TENM1: variants seen among roughly 807,000 people sequenced by gnomAD.
The protein encoded by TENM1 is teneurin-1.
TENM1 carries 35 observed loss-of-function variants against 174.8 expected under a neutral mutation model. The observed-to-expected ratio is 0.20, with a 90% CI of 0.15 to 0.27. The LOEUF (loss-of-function observed/expected upper bound fraction) is 0.27, where lower values mean the gene tolerates loss of function less well. TENM1 is among the 10% of genes least tolerant of loss of function. The pLI is 1.00. For missense variants in TENM1, 1,633 were observed against 2,130.1 expected, an observed-to-expected ratio of 0.77 and a Z score of 4.59; for synonymous variants, 781 against 798.7, an observed-to-expected ratio of 0.98 and a Z score of 0.37.
chrX:124,740,577 A>T (rs1241624369), intron 3 of TENM1, among the ~76,000 whole-genome samples: 1 of 111,625 alleles, frequency 9.0e-6, no homozygotes, highest in African/African-American at 3.3e-5. Flanking sequence ...AATATGTGGA[A>T]GTTTCCCTGC....
chrX:124,644,721 A>T (rs1212862470), intron 10 of TENM1, among the ~76,000 whole-genome samples: 2 of 110,641 alleles, frequency 1.8e-5, no homozygotes, highest in Non-Finnish European at 3.8e-5. Context: ...ATTACAAAAC[A>T]CTCCCAAAGA....
chrX:124,710,190 C>T (rs776406497), intron 4 of TENM1, among the ~76,000 whole-genome samples: 9 of 110,725 alleles, frequency 8.1e-5, no homozygotes, highest in Non-Finnish European at 1.3e-4. Flanking sequence ...AAGTGTAGCA[C>T]TATACAGGCA....
At chrX:125,091,985 CAAAAAAAAAAAA>C in the TENM1 span, among the ~76,000 whole-genome samples, 9 of 14,181 alleles carry the variant, frequency 6.3e-4, no homozygotes, top group Non-Finnish European at 9.3e-4. Flanking sequence ...AACTCTGTCT[CAAAAAAAAAAAA>C]AAAAAAAAAA....
chrX:124,996,505 T>C, the TENM1 span, among the ~76,000 whole-genome samples: 1 of 105,712 alleles, frequency 9.5e-6, no homozygotes, highest in African/African-American at 3.4e-5. Context: ...GGGGATTTAC[T>C]GATTCCATTA....
At position 124,631,256 on chromosome X, in the gene TENM1, T is replaced by A. The variant is rs563466573; in HGVS notation, c.2077+10535A>T. Among the ~76,000 whole-genome samples the A allele has an allele frequency of 4.0e-4, 45 of 111,819 alleles. No individual in the cohort carries two copies. The South Asian group carries it at 4.1e-3, about 10-fold the overall frequency. On this transcript the variant is annotated intron_variant, in intron 11 of 31. Transcript: ENST00000422452. Reference sequence around the variant, plus strand: ...CCAAAATAATGAGGCATATTTTTTTTAAAAAACTAAGTAAATATTTTAGAA... The same window carrying A: ...CCAAAATAATGAGGCATATTTTTTTAAAAAAACTAAGTAAATATTTTAGAA...
intron 23 of TENM1, among the ~76,000 whole-genome samples, chrX:124,448,984 C>T (rs989369348): frequency 3.6e-5 from 4 of 111,432 alleles, no homozygotes; most frequent in Non-Finnish European, 5.7e-5. Flanking sequence ...AATCTGGACA[C>T]TAATCAATAC....
intron 1 of TENM1, among the ~76,000 whole-genome samples, chrX:124,930,066 T>G (rs1405153380): frequency 9.1e-6 from 1 of 109,838 alleles, no homozygotes; most frequent in Non-Finnish European, 1.9e-5. Context: ...GACTCTGCCG[T>G]ACTCTCCAAG....
rs180916236 is a variant in TENM1 at position 124,422,816 on chromosome X, G to A, written c.4105-178C>T. 2.5e-3 allele frequency among the ~76,000 whole-genome samples: 281 copies of A among 111,787 alleles called. 2 individuals carry two copies. Among genetic ancestry groups the A allele is most frequent in the Non-Finnish European group, 4.5e-3 (239 of 53,113 alleles). On this transcript the variant is annotated intron_variant, in intron 23 of 31. Transcript: ENST00000422452. Reference sequence around the variant, plus strand: ...GGAGGATGGTTAATCACATGTTCTGGTAAACGTACTTATCATTTATGCCAT... The same window carrying A: ...GGAGGATGGTTAATCACATGTTCTGATAAACGTACTTATCATTTATGCCAT...
chrX:124,636,881 A>G (rs1169075049), intron 11 of TENM1, among the ~76,000 whole-genome samples: 4 of 111,480 alleles, frequency 3.6e-5, no homozygotes, highest in Non-Finnish European at 7.5e-5. Context: ...TGTTTTCTTC[A>G]CTGATATATC....
chrX:124,500,437 G>A (rs973190791), intron 19 of TENM1, among the ~76,000 whole-genome samples: 2 of 111,739 alleles, frequency 1.8e-5, no homozygotes, highest in African/African-American at 3.2e-5. Context: ...AAAATATTTT[G>A]TTTATGTTCC....
intron 11 of TENM1, among the ~76,000 whole-genome samples, chrX:124,595,935 G>T (rs1409434200): frequency 8.9e-6 from 1 of 111,896 alleles, no homozygotes; most frequent in East Asian, 2.8e-4. Flanking sequence ...ATATAGTTTA[G>T]CACGGGAAGC....
chrX:125,142,806 T>C, the TENM1 span, among the ~76,000 whole-genome samples: 12 of 111,236 alleles, frequency 1.1e-4, no homozygotes, highest in South Asian at 1.1e-3. Flanking sequence ...ATGTATGCTG[T>C]CTATACATAG....
intron 3 of TENM1, among the ~76,000 whole-genome samples, chrX:124,862,621 G>A (rs1394219205): frequency 9.0e-6 from 1 of 111,329 alleles, no homozygotes; most frequent in Non-Finnish European, 1.9e-5. Context: ...GTCCAAACTT[G>A]AGTGGGTACA....
chrX:124,594,606 C>G (rs771016566), intron 11 of TENM1, among the ~76,000 whole-genome samples: 2 of 111,834 alleles, frequency 1.8e-5, no homozygotes, highest in African/African-American at 6.5e-5. Flanking sequence ...CAAAAAGTAA[C>G]ATGAGATGAT....
chrX:124,857,475 A>G (rs1425462672), intron 3 of TENM1, among the ~76,000 whole-genome samples: 1 of 111,796 alleles, frequency 8.9e-6, no homozygotes, highest in Non-Finnish European at 1.9e-5. Context: ...GCAAAGCGAT[A>G]AAAGCCAGAC....
At chrX:124,556,529 C>T (rs2048699415) in intron 14 of TENM1, among the ~76,000 whole-genome samples, 1 of 111,660 alleles carries the variant, frequency 9.0e-6, no homozygotes, top group Admixed American at 9.5e-5. Context: ...CCAGAGAGTC[C>T]TAATCCACCA....
intron 25 of TENM1, among the ~76,000 whole-genome samples, chrX:124,416,727 T>A (rs1178347860): frequency 9.0e-6 from 1 of 111,722 alleles, no homozygotes; most frequent in Non-Finnish European, 1.9e-5. Context: ...TCACCTGTTT[T>A]ATTTGGTGCT....
Position 124,763,484 on chromosome X carries a change from G to GCA in TENM1, c.536-26289_536-26288dup, listed in dbSNP as rs747940187. The stretch of plus-strand genomic sequence containing the variant: ...GGTGAAAGTCACTTCTCTCAAAAGC[G>GCA]CACACACACACACACACACCCCTTT... On this transcript the variant is annotated intron_variant, in intron 3 of 31. Coordinates refer to ENST00000422452, the Ensembl canonical transcript of TENM1. 6.2e-3 allele frequency among the ~76,000 whole-genome samples: 670 copies of GCA among 108,345 alleles called. 8 individuals carry two copies. Among genetic ancestry groups the GCA allele is most frequent in the African/African-American group, 0.019 (560 of 29,970 alleles). The allele number at this position is 108,345 out of a possible 115,157, so 94.1% of individuals were successfully genotyped here.
chrX:124,701,036 C>CT (rs199621478), intron 5 of TENM1, among the ~76,000 whole-genome samples: 2,584 of 111,487 alleles, frequency 0.023, 36 homozygotes, highest in African/African-American at 0.043. Flanking sequence ...GTACAAAACT[C>CT]TATCTCTTCT....
Sources: gnomAD v4.1 joint callset for allele counts (sites outside exome capture counted in the v4.1 genomes callset) on GRCh38, gnomAD v4.1.1 for gene constraint, MANE v1.5 for transcripts, NCBI Gene and HGNC (gene_info 2026-07-23, HGNC 2026-07-21) for gene names.